Variants in ATP8B4 observed in about 807,000 individuals in gnomAD.
ATP8B4 encodes the protein ATPase phospholipid transporting 8B4 (putative).
ATP8B4 carries 133 observed loss-of-function variants against 145.6 expected under a neutral mutation model. The observed-to-expected ratio is 0.91, with a 90% CI of 0.79 to 1.05. The LOEUF is 1.05. Among genes scored for constraint, ATP8B4 ranks in the 50% least tolerant of loss-of-function variants. The probability of loss-of-function intolerance (pLI) is 0.00; values close to 1 mark genes in which losing one functional copy is unlikely to be tolerated. For synonymous variants in ATP8B4, 507 were observed against 492.9 expected (o/e 1.03, Z -0.38); for missense variants, 1,458 against 1,425.2 (o/e 1.02, Z -0.37).
At chr15:50,172,332 C>G (rs576575783) in intron 1 of ATP8B4, among the ~76,000 whole-genome samples, 2 of 152,238 alleles carry the variant, frequency 1.3e-5, no homozygotes, top group South Asian at 2.1e-4. Context: ...TTGGTGGAGA[C>G]GGGGTTTCCC....
chr15:49,906,165 T>C (rs768555902), intron 20 of ATP8B4, among the ~76,000 whole-genome samples: 13 of 152,340 alleles, frequency 8.5e-5, no homozygotes, highest in South Asian at 4.1e-4. Flanking sequence ...CATGGCTGGT[T>C]ATTTGAGCTA....
At chr15:49,936,656 C>A (rs2041756402) in intron 14 of ATP8B4, among the ~76,000 whole-genome samples, 1 of 152,132 alleles carries the variant, frequency 6.6e-6, no homozygotes. Flanking sequence ...ATTCAGGAGA[C>A]TCTTTCAATT....
At chr15:49,951,550 T>C (rs1205940825) in intron 14 of ATP8B4, among the ~76,000 whole-genome samples, 1 of 152,206 alleles carries the variant, frequency 6.6e-6, no homozygotes, top group Non-Finnish European at 1.5e-5. Flanking sequence ...ATTTTCTTGA[T>C]AAATTTTCCT....
intron 25 of ATP8B4, among the ~76,000 whole-genome samples, 172 bp downstream of exon 25, chr15:49,876,106 C>T (rs758749981): frequency 2.0e-5 from 3 of 152,226 alleles, no homozygotes; most frequent in Non-Finnish European, 4.4e-5. Flanking sequence ...TAATTCTCCC[C>T]AGTAATTTAT....
intron 13 of ATP8B4, 130 bp from the exon 14 acceptor site, chr15:49,962,150 G>A (rs563608526): frequency 2.9e-5 from 20 of 684,430 alleles, no homozygotes; most frequent in East Asian, 1.2e-4. Context: ...TTAAACAGGC[G>A]AATGGTTTTA....
At chr15:50,045,489 T>C (rs2051642749) in intron 4 of ATP8B4, among the ~76,000 whole-genome samples, 2 of 152,190 alleles carry the variant, frequency 1.3e-5, no homozygotes, top group African/African-American at 2.4e-5. Flanking sequence ...GAAAATCTGC[T>C]GCTTCGGGGC....
intron 7 of ATP8B4, chr15:50,009,747 C>G: frequency 4.5e-6 from 2 of 448,744 alleles, no homozygotes; most frequent in Non-Finnish European, 9.0e-6. Context: ...CGAGTGAGAA[C>G]CTGGCAAACT....
intron 2 of ATP8B4, among the ~76,000 whole-genome samples, chr15:50,094,654 ATTGTATATTATATATCCATATATATT>A: frequency 6.8e-6 from 1 of 147,724 alleles, no homozygotes; most frequent in East Asian, 2.0e-4. Flanking sequence ...ATTATTATAT[ATTGTATATTATATATCCATATATATT>A]TGTATATATG....
At chr15:49,870,407 T>G (rs543866723) in intron 25 of ATP8B4, among the ~76,000 whole-genome samples, 1 of 152,346 alleles carries the variant, frequency 6.6e-6, no homozygotes, top group Non-Finnish European at 1.5e-5. Context: ...TAAACACTTT[T>G]GTACTCTTTG....
chr15:49,890,554 G>A (rs960313281), intron 23 of ATP8B4, among the ~76,000 whole-genome samples: 2 of 152,192 alleles, frequency 1.3e-5, no homozygotes, highest in African/African-American at 2.4e-5. Flanking sequence ...AAAGCCACAT[G>A]TTGGGTGATC....
At chr15:49,999,789 C>T (rs747310337) in intron 8 of ATP8B4, among the ~76,000 whole-genome samples, 70 of 152,174 alleles carry the variant, frequency 4.6e-4, no homozygotes, top group Middle Eastern at 6.8e-3. Flanking sequence ...AGATACAGAA[C>T]ACTTCTATCA....
At chr15:49,958,902 T>C (rs2043822168) in intron 14 of ATP8B4, among the ~76,000 whole-genome samples, 1 of 151,978 alleles carries the variant, frequency 6.6e-6, no homozygotes, top group African/African-American at 2.4e-5. Context: ...CTTTAAGGCA[T>C]ATATTATTTT....
At chr15:50,159,899 G>A (rs1169503197) in intron 1 of ATP8B4, among the ~76,000 whole-genome samples, 1 of 151,796 alleles carries the variant, frequency 6.6e-6, no homozygotes, top group African/African-American at 2.4e-5. Context: ...ATGATTACTG[G>A]CCTCCTAGAA....
At chr15:49,950,609 AAC>A (rs767486119) in intron 14 of ATP8B4, among the ~76,000 whole-genome samples, 3,085 of 101,152 alleles carry the variant, frequency 0.03, 156 homozygotes, top group African/African-American at 0.099. Context: ...AAAACAAACA[AAC>A]AAACAAACAA....
intron 10 of ATP8B4, among the ~76,000 whole-genome samples, chr15:49,983,805 T>A (rs951960879): frequency 6.6e-5 from 10 of 152,204 alleles, no homozygotes; most frequent in African/African-American, 2.4e-4. Flanking sequence ...CCCATATCCA[T>A]CCCTATCCTC....
chr15:50,072,999 TATATATATATATATATATATACACAC>T (rs1457370752), intron 3 of ATP8B4, among the ~76,000 whole-genome samples: 4 of 52,382 alleles, frequency 7.6e-5, no homozygotes, highest in East Asian at 7.7e-4. Context: ...TATATATATA[TATATATATATATATATATATACACAC>T]ACACACACAC....
At chr15:50,100,014 A>G (rs71469677) in intron 2 of ATP8B4, among the ~76,000 whole-genome samples, 50,661 of 145,626 alleles carry the variant, frequency 0.35, 9,439 homozygotes, top group Non-Finnish European at 0.42. Flanking sequence ...CAGCCTGGGC[A>G]ACAAGAGCAA....
intron 1 of ATP8B4, among the ~76,000 whole-genome samples, chr15:50,128,601 G>A (rs1361258943): frequency 6.6e-6 from 1 of 152,220 alleles, no homozygotes; most frequent in Non-Finnish European, 1.5e-5. Flanking sequence ...CAGGAGAGGA[G>A]AGGGACACCC....
chr15:50,080,185 T>C (rs1451301331), intron 2 of ATP8B4, among the ~76,000 whole-genome samples: 1 of 152,236 alleles, frequency 6.6e-6, no homozygotes, highest in Non-Finnish European at 1.5e-5. Flanking sequence ...TATAATTTGA[T>C]GCCTTCCTCA....
Sources: allele counts gnomAD v4.1 joint callset (sites outside exome capture counted in the v4.1 genomes callset), GRCh38; gene constraint gnomAD v4.1.1; transcripts MANE v1.5; gene names NCBI Gene and HGNC (gene_info 2026-07-23, HGNC 2026-07-21).